Variants in HAAO observed in about 807,000 individuals in gnomAD.
HAAO encodes 3-hydroxyanthranilate 3,4-dioxygenase, also known as 3-hydroxyanthranilate oxygenase.
In HAAO, 49 loss-of-function variants were observed where a neutral mutation model predicts 46.2. The ratio of observed to expected loss-of-function variants is 1.06; its 90% CI spans 0.84 to 1.34. HAAO has a LOEUF of 1.34. Ranked by LOEUF, HAAO falls within the 40% of genes most tolerant of loss-of-function variation. The pLI is 0.00. For synonymous variants in HAAO, 157 were observed against 145.2 expected, an observed-to-expected ratio of 1.08 and a Z score of -0.58; for missense variants, 408 against 364.5, an observed-to-expected ratio of 1.12 and a Z score of -0.97.
intron 2 of HAAO, among the ~76,000 whole-genome samples, chr2:42,786,873 T>A (rs1486240085): frequency 6.6e-6 from 1 of 152,058 alleles, no homozygotes. Flanking sequence ...TCTGAGCAAC[T>A]CCCCTTTTCT....
chr2:42,784,272 C>T (rs1008490764), intron 2 of HAAO, among the ~76,000 whole-genome samples: 1 of 152,168 alleles, frequency 6.6e-6, no homozygotes, highest in Non-Finnish European at 1.5e-5. Context: ...GTATCATTAA[C>T]CCCAATCAGC....
chr2:42,790,577 G>A (rs2104673693), intron 1 of HAAO, among the ~76,000 whole-genome samples: 1 of 151,380 alleles, frequency 6.6e-6, no homozygotes, highest in East Asian at 2.0e-4. Flanking sequence ...TGCCACCCAG[G>A]CTGGAATGCA....
chr2:42,770,175 G>A lies in HAAO; in HGVS notation c.452C>T (p.Ser151Phe), dbSNP rs1363149067. ...LAPIIQEFFSSEQYRTGKPIP... is the reference protein window; with the variant it reads ...LAPIIQEFFSFEQYRTGKPIP... ...GGGCTTTCCTGTTCTGTACTGCTCA[G>A]AGCTGAAGAACCTGCAAGGACGAAC... The change falls in exon 6 of 10, where the codon TCT (serine) becomes TTT (phenylalanine). Residue 151 changes from serine to phenylalanine, a missense_variant. By Grantham distance (155) the Ser-to-Phe change is radical. Coordinates refer to ENST00000294973, the MANE Select transcript of HAAO (RefSeq NM_012205.3). 6.2e-7 allele frequency: 1 copy of A among 1,601,314 alleles called. No individual in the cohort carries two copies. Among genetic ancestry groups the A allele is most frequent in the Non-Finnish European group, 8.5e-7 (1 of 1,172,834 alleles).
chr2:42,770,143 C>CA lies in HAAO; in HGVS notation c.483dup (p.Asp162Ter), dbSNP rs527656756. On this transcript the variant is annotated frameshift_variant and splice_region_variant, in exon 6 of 10. Coordinates refer to ENST00000294973, the MANE Select transcript of HAAO (RefSeq NM_012205.3). LOFTEE classifies it high-confidence loss of function. Reference sequence around the variant, plus strand: ...GAAGGGCAGTTCCCAGCGGCCTCACCAGGGATGGGCTTTCCTGTTCTGTAC... The same window carrying CA: ...GAAGGGCAGTTCCCAGCGGCCTCACCAAGGGATGGGCTTTCCTGTTCTGTAC... The CA allele has an allele frequency of 1.1e-5, 18 of 1,603,908 alleles. No individual in the cohort carries two copies. The highest frequency in any genetic ancestry group is 1.5e-5 in the Non-Finnish European group (18 of 1,174,338).
At chr2:42,767,988 G>A in intron 7 of HAAO, 60 bp from the exon 8 acceptor site, 2 of 1,466,180 alleles carry the variant, frequency 1.4e-6, no homozygotes, top group South Asian at 1.1e-5. Flanking sequence ...AGATGGTCTT[G>A]AACCTGGCCC....
At chr2:42,768,613 C>G (rs1376166846) in intron 7 of HAAO, among the ~76,000 whole-genome samples, 1 of 152,162 alleles carries the variant, frequency 6.6e-6, no homozygotes, top group Non-Finnish European at 1.5e-5. Flanking sequence ...TTGACTCATT[C>G]AAAGCCCATG....
intron 7 of HAAO, 36 bp from the exon 8 acceptor site, chr2:42,767,964 T>C (rs562830613): frequency 1.3e-6 from 2 of 1,575,296 alleles, no homozygotes; most frequent in Non-Finnish European, 1.7e-6. Flanking sequence ...CTGGTGCTTC[T>C]TGCCCCACAT....
chr2:42,775,430 A>AT (rs927259939), intron 4 of HAAO, among the ~76,000 whole-genome samples: 9 of 152,026 alleles, frequency 5.9e-5, no homozygotes, highest in African/African-American at 1.7e-4. Context: ...AAACAGCAGC[A>AT]TTTTTTTCCA....
chr2:42,789,755 A>T (rs1440643932), intron 1 of HAAO, among the ~76,000 whole-genome samples: 1 of 152,138 alleles, frequency 6.6e-6, no homozygotes, highest in South Asian at 2.1e-4. Context: ...AGGGTTCCCA[A>T]ACTCCTCAGT....
At chr2:42,776,631 TC>T (rs1305418467) in intron 4 of HAAO, among the ~76,000 whole-genome samples, 2 of 149,994 alleles carry the variant, frequency 1.3e-5, no homozygotes, top group East Asian at 3.9e-4. Context: ...CTGAGTTGTT[TC>T]CTTTTTTTTT....
intron 8 of HAAO, 49 bp from the exon 9 acceptor site, chr2:42,767,726 A>G: frequency 6.5e-7 from 1 of 1,549,952 alleles, no homozygotes; most frequent in Non-Finnish European, 8.9e-7. Context: ...GGGCCTCATC[A>G]CCTGGGTGAA....
At chr2:42,783,574 C>G (rs1352082325) in intron 3 of HAAO, among the ~76,000 whole-genome samples, 154 bp from the exon 4 acceptor site, 1 of 152,162 alleles carries the variant, frequency 6.6e-6, no homozygotes, top group Non-Finnish European at 1.5e-5. Flanking sequence ...GCCTCTACAC[C>G]AGGGAACCAG....
intron 4 of HAAO, among the ~76,000 whole-genome samples, chr2:42,773,138 C>A (rs946713767): frequency 1.3e-5 from 2 of 152,236 alleles, no homozygotes; most frequent in African/African-American, 4.8e-5. Flanking sequence ...CCACTCCTCT[C>A]TATACTGTCC....
Position 42,770,160 on chromosome 2 carries a change from G to C in HAAO, c.467C>G (p.Thr156Arg). 1 of 1,603,302 alleles carries C rather than the reference G, an allele frequency of 6.2e-7. No homozygotes were observed. The highest frequency in any genetic ancestry group is 1.3e-5 in the African/African-American group (1 of 74,768). ...QEFFSSEQYR[T>R]GKPIPDQLLK... is the part of the protein sequence containing the mutation. ...GGCCTCACCAGGGATGGGCTTTCCTGTTCTGTACTGCTCAGAGCTGAAGAA... is the reference window on the plus strand; with the variant it reads ...GGCCTCACCAGGGATGGGCTTTCCTCTTCTGTACTGCTCAGAGCTGAAGAA... Residue 156 changes from threonine (T) to arginine (R), a missense_variant, in exon 6 of 10, where the codon ACA becomes AGA. Thr to Arg is a moderately conservative substitution (Grantham distance 71). Coordinates refer to ENST00000294973, the MANE Select transcript of HAAO (RefSeq NM_012205.3).
intron 4 of HAAO, among the ~76,000 whole-genome samples, chr2:42,777,383 G>T (rs1435841622): frequency 2.0e-5 from 3 of 148,884 alleles, no homozygotes; most frequent in African/African-American, 7.4e-5. Context: ...AAGTTGCTAT[G>T]AATCTATAAG....
At position 42,785,819 on chromosome 2, in the gene HAAO, A is replaced by G. The variant is rs540442426; in HGVS notation, c.160-1952T>C. On this transcript the variant is annotated intron_variant, in intron 2 of 9. Transcript: ENST00000294973. ...TGAGGCTGCACTGAGCTATGATTGC[A>G]CCACTGTACTCCAGCCTGGGTGACA... Among the ~76,000 whole-genome samples the G allele has an allele frequency of 6.6e-5, 10 of 152,282 alleles. No individual in the cohort carries two copies. In the East Asian group the frequency reaches 1.7e-3, roughly 26 times the overall value.
intron 2 of HAAO, among the ~76,000 whole-genome samples, chr2:42,787,862 AT>A (rs34424276): frequency 6.6e-6 from 1 of 152,104 alleles, no homozygotes; most frequent in Non-Finnish European, 1.5e-5. Context: ...TTGTTTATTT[AT>A]TTTGGGGTAG....
chr2:42,785,770 G>T (rs1672336743), intron 2 of HAAO, among the ~76,000 whole-genome samples: 1 of 152,070 alleles, frequency 6.6e-6, no homozygotes, highest in Non-Finnish European at 1.5e-5. Flanking sequence ...CCTGAGGTGG[G>T]AGGATCACTT....
At chr2:42,768,295 G>C (rs1388899696) in intron 7 of HAAO, among the ~76,000 whole-genome samples, 2 of 152,162 alleles carry the variant, frequency 1.3e-5, no homozygotes, top group Non-Finnish European at 2.9e-5. Flanking sequence ...TTATGAGTCT[G>C]GCCTCAGGAG....
Sources: gnomAD v4.1 joint callset for allele counts (sites outside exome capture counted in the v4.1 genomes callset) on GRCh38, gnomAD v4.1.1 for gene constraint, MANE v1.5 for transcripts, NCBI Gene and HGNC (gene_info 2026-07-23, HGNC 2026-07-21) for gene names.